Variants in CCDC171 observed in about 807,000 individuals in gnomAD.
CCDC171 encodes the protein coiled-coil domain containing 171.
In CCDC171, 177 loss-of-function variants were observed where a neutral mutation model predicts 168.2. That is an observed-to-expected ratio of 1.05 (90% confidence interval 0.93 to 1.19). The LOEUF (loss-of-function observed/expected upper bound fraction) is 1.19, where lower values mean the gene tolerates loss of function less well. Ranked by LOEUF, CCDC171 falls within the 50% of genes most tolerant of loss-of-function variation. The pLI, the probability that CCDC171 is intolerant of heterozygous loss-of-function variation, is 0.00. For missense variants in CCDC171, 1,991 were observed against 1,539.0 expected (o/e 1.29, Z -4.91); for synonymous variants, 687 against 540.8 (o/e 1.27, Z -3.75).
intron 3 of CCDC171, among the ~76,000 whole-genome samples, chr9:16,015,052 C>T (rs1034919175): frequency 4.6e-5 from 7 of 152,050 alleles, no homozygotes; most frequent in African/African-American, 1.4e-4. Context: ...ACCAACATGG[C>T]ACATGTATAC....
intron 22 of CCDC171, among the ~76,000 whole-genome samples, chr9:15,848,582 T>C (rs2060998605): frequency 6.6e-6 from 1 of 151,892 alleles, no homozygotes; most frequent in South Asian, 2.1e-4. Flanking sequence ...AATGTAATTG[T>C]GATTTTTTTC....
intron 16 of CCDC171, among the ~76,000 whole-genome samples, chr9:15,739,633 A>C (rs950627446): frequency 2.0e-5 from 3 of 152,180 alleles, no homozygotes; most frequent in African/African-American, 7.2e-5. Context: ...TATTCAAACT[A>C]TTCCTATTAA....
In CCDC171 at chr9:15,908,396, A is replaced by G. The variant is rs77940483; in HGVS notation, c.3601-11874A>G. Among the ~76,000 whole-genome samples, 777 of 152,248 alleles carry G rather than the reference A, an allele frequency of 5.1e-3. 8 individuals carry two copies. Among genetic ancestry groups the G allele is most frequent in the African/African-American group, 0.018 (758 of 41,522 alleles). ...TGGAAACCATCATTCTCAGCCAACT[A>G]TCACAAGGAGAAAAAACAAAACACT... On this transcript the variant is annotated intron_variant, in intron 24 of 25. Coordinates refer to ENST00000380701, the MANE Select transcript of CCDC171 (RefSeq NM_173550.4).
chr9:15,631,166 AAAATC>A lies in CCDC171; in HGVS notation c.822+7755_822+7759del, dbSNP rs531469166. Among the ~76,000 whole-genome samples the A allele has an allele frequency of 4.1e-4, 62 of 152,278 alleles. 1 individual carries two copies. In the South Asian group the frequency reaches 9.1e-3, roughly 22 times the overall value. ...AGCTAGCAGAAGGCAAGAAATAACT[AAAATC>A]AGAGCAGAACTGAAGGAAATAGAAA... On this transcript the variant is annotated intron_variant, in intron 7 of 25. Coordinates refer to ENST00000380701, the MANE Select transcript of CCDC171 (RefSeq NM_173550.4).
At chr9:15,674,813 G>A (rs1046507928) in intron 9 of CCDC171, among the ~76,000 whole-genome samples, 1 of 152,146 alleles carries the variant, frequency 6.6e-6, no homozygotes, top group Non-Finnish European at 1.5e-5. Context: ...GTGCAACGTG[G>A]TGTTGAGAAG....
chr9:16,056,954 C>G (rs1429153295), intron 1 of CCDC171, among the ~76,000 whole-genome samples: 2 of 152,144 alleles, frequency 1.3e-5, no homozygotes, highest in African/African-American at 4.8e-5. Flanking sequence ...AGAATGTAGA[C>G]ACAGCAGAAG....
chr9:15,862,179 T>TA (rs71325942), intron 23 of CCDC171, among the ~76,000 whole-genome samples: 130,354 of 151,402 alleles, frequency 0.86, 56,187 homozygotes, highest in East Asian at 0.99. Context: ...TTTTTTGAAT[T>TA]AAAAAAAGAA....
At chr9:15,914,563 T>C (rs1824208562) in intron 24 of CCDC171, among the ~76,000 whole-genome samples, 2 of 152,192 alleles carry the variant, frequency 1.3e-5, no homozygotes, top group Non-Finnish European at 2.9e-5. Flanking sequence ...TTCAAGCCAG[T>C]GGATCTTAGC....
At chr9:15,774,656 G>A (rs181236635) in intron 18 of CCDC171, among the ~76,000 whole-genome samples, 7 of 152,296 alleles carry the variant, frequency 4.6e-5, no homozygotes, top group East Asian at 1.9e-4. Flanking sequence ...ACTTGCACAC[G>A]CATGTTGATA....
At chr9:15,686,914 A>G (rs1013134897) in intron 10 of CCDC171, among the ~76,000 whole-genome samples, 4 of 152,202 alleles carry the variant, frequency 2.6e-5, no homozygotes, top group Non-Finnish European at 5.9e-5. Flanking sequence ...TAGACCTTAC[A>G]GATATCTATA....
chr9:15,978,874 AC>A (rs1447312938), downstream of CCDC171, among the ~76,000 whole-genome samples: 4 of 152,138 alleles, frequency 2.6e-5, no homozygotes, highest in African/African-American at 9.7e-5. Flanking sequence ...GGAGCTCTGA[AC>A]CCATTGGCAA....
chr9:15,795,883 A>G lies in CCDC171; in HGVS notation c.3267+11189A>G, dbSNP rs112378270. On this transcript the variant is annotated intron_variant, in intron 21 of 25. Transcript: ENST00000380701. The stretch of plus-strand genomic sequence containing the variant: ...CCAAGGACTCTTTAGTTGAGATTTA[A>G]TCTTTAAAATGGTACAGTCCAGTCA... 5.9e-5 allele frequency among the ~76,000 whole-genome samples: 9 copies of G among 152,350 alleles called. No homozygotes were observed. The East Asian group carries it at 1.5e-3, about 26-fold the overall frequency.
intron 25 of CCDC171, among the ~76,000 whole-genome samples, chr9:15,967,155 A>G (rs1830879643): frequency 6.6e-6 from 1 of 152,204 alleles, no homozygotes; most frequent in Admixed American, 6.5e-5. Context: ...TATTTAGAAG[A>G]AAGAAAACTT....
At chr9:15,986,611 C>T (rs1357676677) in intron 3 of CCDC171, among the ~76,000 whole-genome samples, 1 of 152,206 alleles carries the variant, frequency 6.6e-6, no homozygotes, top group Non-Finnish European at 1.5e-5. Context: ...TGCCCTAGAT[C>T]CTTGTCCTTT....
At chr9:15,917,723 A>G (rs988971331) in intron 24 of CCDC171, among the ~76,000 whole-genome samples, 1 of 151,672 alleles carries the variant, frequency 6.6e-6, no homozygotes, top group African/African-American at 2.4e-5. Flanking sequence ...AAATGGGATA[A>G]CTTTTAAAAT....
chr9:15,991,992 C>A (rs1350095918), intron 3 of CCDC171, among the ~76,000 whole-genome samples: 6 of 152,162 alleles, frequency 3.9e-5, no homozygotes, highest in Non-Finnish European at 8.8e-5. Context: ...CCAAATTCTA[C>A]CAGAGGTACA....
intron 23 of CCDC171, among the ~76,000 whole-genome samples, chr9:15,862,550 A>C (rs2061604635): frequency 1.3e-5 from 2 of 150,716 alleles, no homozygotes; most frequent in African/African-American, 2.4e-5. Flanking sequence ...CCAGAGTTTT[A>C]TCTTGTTCCT....
Position 15,777,649 on chromosome 9 carries a change from T to C in CCDC171, c.2721T>C (p.Asn907=), listed in dbSNP as rs1232744058. 1.9e-6 allele frequency: 3 copies of C among 1,613,990 alleles called. No individual in the cohort carries two copies. The highest frequency in any genetic ancestry group is 1.1e-5 in the South Asian group (1 of 91,026). The change falls in exon 19 of 26, where the codon AAT becomes AAC. Residue 907 remains asparagine, a synonymous_variant. Coordinates refer to ENST00000380701, the MANE Select transcript of CCDC171 (RefSeq NM_173550.4). ...CGHLLIGAAK[N]SFAKLMDKIS... Reference sequence around the variant, plus strand: ...ATTTACTCATAGGTGCAGCCAAGAATTCTTTTGCAAAACTCATGGATAAAA... The same window carrying C: ...ATTTACTCATAGGTGCAGCCAAGAACTCTTTTGCAAAACTCATGGATAAAA...
exon 2 of CCDC171, chr9:16,060,804 C>G (rs1833922489): frequency 6.6e-6 from 1 of 152,220 alleles, no homozygotes. Flanking sequence ...GAGTGGACCA[C>G]AAATGAATAT....
Sources: allele counts gnomAD v4.1 joint callset (sites outside exome capture counted in the v4.1 genomes callset), GRCh38; gene constraint gnomAD v4.1.1; transcripts MANE v1.5; gene names NCBI Gene and HGNC (gene_info 2026-07-23, HGNC 2026-07-21).